HMCN1: variants seen among roughly 807,000 people sequenced by gnomAD.
The protein encoded by HMCN1 is hemicentin 1.
In HMCN1, 321 loss-of-function variants were observed where a neutral mutation model predicts 625.9. The observed-to-expected ratio is 0.51, with a 90% CI of 0.47 to 0.56. The LOEUF (loss-of-function observed/expected upper bound fraction) is 0.56. Among genes scored for constraint, HMCN1 ranks in the 20% least tolerant of loss-of-function variants. HMCN1 has a pLI of 0.00. For synonymous variants in HMCN1, 2,425 were observed against 2,417.6 expected (o/e 1.00, Z -0.09); for missense variants, 6,588 against 6,887.3 (o/e 0.96, Z 1.54).
chr1:186,140,115 G>T (rs1252624615), intron 89 of HMCN1, among the ~76,000 whole-genome samples: 2 of 151,916 alleles, frequency 1.3e-5, no homozygotes. Context: ...ATCAAAATTG[G>T]GAAATTTTAA....
At chr1:186,132,847 T>C (rs1362241699) in intron 86 of HMCN1, among the ~76,000 whole-genome samples, 3 of 151,266 alleles carry the variant, frequency 2.0e-5, no homozygotes, top group African/African-American at 4.8e-5. Context: ...CCTGTGTCCA[T>C]GTTCTCATTG....
At chr1:186,151,899 G>A (rs1323095045) in intron 95 of HMCN1, among the ~76,000 whole-genome samples, 156 bp downstream of exon 95, 1 of 152,144 alleles carries the variant, frequency 6.6e-6, no homozygotes, top group Admixed American at 6.5e-5. Context: ...CTGTAAACTT[G>A]TACTAACATA....
intron 71 of HMCN1, among the ~76,000 whole-genome samples, chr1:186,109,059 A>G (rs1281841673): frequency 6.6e-6 from 1 of 152,214 alleles, no homozygotes; most frequent in Non-Finnish European, 1.5e-5. Flanking sequence ...GTGAAGAACC[A>G]GTTACTGGCT....
chr1:186,057,257 C>T lies in HMCN1; in HGVS notation c.7168C>T (p.His2390Tyr), dbSNP rs1373002712. ...AGCTCCTCCAAGCATCATAGGAAAC[C>T]ACAGGTCACCTGAAAATATTAGTGT... ...VHAPPSIIGN[H>Y]RSPENISVVE... is the part of the protein sequence containing the mutation. The change falls in exon 46 of 107, where the codon CAC (histidine) becomes TAC (tyrosine). Residue 2390 changes from histidine (H) to tyrosine (Y), a missense_variant. By Grantham distance (83) the His-to-Tyr change is moderately conservative. Coordinates refer to ENST00000271588, the MANE Select transcript of HMCN1 (RefSeq NM_031935.3). The T allele has an allele frequency of 1.2e-6, 2 of 1,611,612 alleles. No individual in the cohort carries two copies. Among genetic ancestry groups the T allele is most frequent in the Non-Finnish European group, 1.7e-6 (2 of 1,178,320 alleles).
intron 22 of HMCN1, among the ~76,000 whole-genome samples, chr1:185,992,336 T>A (rs1379850390): frequency 6.6e-6 from 1 of 152,154 alleles, no homozygotes; most frequent in Non-Finnish European, 1.5e-5. Flanking sequence ...ATGAAGAAAA[T>A]TATAAACATA....
chr1:186,045,995 T>C, intron 41 of HMCN1, 132 bp downstream of exon 41: 3 of 682,208 alleles, frequency 4.4e-6, no homozygotes, highest in Non-Finnish European at 7.4e-6. Context: ...GGAACCCTTT[T>C]ATTGATGAGG....
chr1:185,830,983 T>A (rs112652318), intron 1 of HMCN1, among the ~76,000 whole-genome samples: 2 of 152,192 alleles, frequency 1.3e-5, no homozygotes, highest in African/African-American at 4.8e-5. Context: ...CTGATGATTT[T>A]ATAAGGGAAT....
chr1:186,166,084 C>T (rs1651858904), intron 98 of HMCN1, 100 bp from the exon 99 acceptor site: 4 of 1,277,920 alleles, frequency 3.1e-6, no homozygotes, highest in Non-Finnish European at 4.5e-6. Flanking sequence ...TTTGATTCAA[C>T]TTCTTGGCCT....
At chr1:185,901,403 G>T (rs1352017092) in intron 4 of HMCN1, among the ~76,000 whole-genome samples, 1 of 151,554 alleles carries the variant, frequency 6.6e-6, no homozygotes, top group East Asian at 1.9e-4. Flanking sequence ...AGGGGTGATG[G>T]ACATACAAAG....
chr1:186,178,409 C>G lies in HMCN1; in HGVS notation c.15944-7C>G. The G allele has an allele frequency of 6.3e-7, 1 of 1,597,010 alleles. No individual in the cohort carries two copies. Among genetic ancestry groups the G allele is most frequent in the Non-Finnish European group, 8.6e-7 (1 of 1,164,806 alleles). On this transcript the variant is annotated splice_polypyrimidine_tract_variant and splice_region_variant and intron_variant, in intron 103 of 106. Coordinates refer to ENST00000271588, the MANE Select transcript of HMCN1 (RefSeq NM_031935.3). ...TTTTTCTTTTTTATATCATGGCATA[C>G]GAGCAGACATTAATGAATGTGAACA...
At chr1:186,043,989 A>G (rs1656381231) in intron 40 of HMCN1, among the ~76,000 whole-genome samples, 1 of 152,188 alleles carries the variant, frequency 6.6e-6, no homozygotes, top group South Asian at 2.1e-4. Context: ...GCTGAGACAG[A>G]AGAATTGCTT....
At chr1:185,978,009 G>A (rs758640123) in intron 16 of HMCN1, 28 bp downstream of exon 16, 19 of 1,476,132 alleles carry the variant, frequency 1.3e-5, no homozygotes, top group Non-Finnish European at 1.6e-5. Context: ...TATTTTGTAC[G>A]AATATGTACT....
intron 10 of HMCN1, among the ~76,000 whole-genome samples, chr1:185,930,118 A>C (rs1160212992): frequency 6.6e-6 from 1 of 152,168 alleles, no homozygotes; most frequent in Non-Finnish European, 1.5e-5. Flanking sequence ...TATTCTACAC[A>C]TGCCCTTCTA....
In HMCN1 at chr1:186,137,821, A is replaced by C; in HGVS notation, c.13773A>C (p.Glu4591Asp). The C allele has an allele frequency of 6.2e-7, 1 of 1,614,042 alleles. No homozygotes were observed. Among genetic ancestry groups the C allele is most frequent in the Non-Finnish European group, 8.5e-7 (1 of 1,179,960 alleles). Reference sequence around the variant, plus strand: ...GTATAGTGGATGGTAGCTGGTCGGAATGGAGTCTTTGGGAAGAATGCACAA... The same window carrying C: ...GTATAGTGGATGGTAGCTGGTCGGACTGGAGTCTTTGGGAAGAATGCACAA... Reference protein sequence around the residue: ...KPCPVDGSWSEWSLWEECTRS... With the variant: ...KPCPVDGSWSDWSLWEECTRS... Residue 4591 changes from glutamate to aspartate, a missense_variant, in exon 89 of 107, where the codon GAA becomes GAC. This residue lies in a region of HMCN1 where 1,954 missense variants were observed against 2,013.1 expected (regional missense o/e 0.97). Coordinates refer to ENST00000271588, the MANE Select transcript of HMCN1 (RefSeq NM_031935.3).
chr1:186,036,693 C>T (rs913122227), intron 36 of HMCN1, among the ~76,000 whole-genome samples: 2 of 151,796 alleles, frequency 1.3e-5, no homozygotes, highest in Non-Finnish European at 2.9e-5. Context: ...CAAGTTGAAG[C>T]GATTCTCCTG....
chr1:185,808,075 A>G (rs1659286366), intron 1 of HMCN1, among the ~76,000 whole-genome samples: 2 of 152,056 alleles, frequency 1.3e-5, no homozygotes, highest in Non-Finnish European at 2.9e-5. Context: ...TAAAACAAAC[A>G]AACAAAAAAC....
At chr1:186,082,996 A>G in intron 57 of HMCN1, 35 bp downstream of exon 57, 2 of 1,312,414 alleles carry the variant, frequency 1.5e-6, no homozygotes, top group Non-Finnish European at 2.1e-6. Context: ...CTGTTAGGGT[A>G]TGCTTGGAAA....
intron 1 of HMCN1, among the ~76,000 whole-genome samples, chr1:185,779,941 A>G (rs1462722712): frequency 6.6e-6 from 1 of 152,204 alleles, no homozygotes; most frequent in East Asian, 1.9e-4. Flanking sequence ...CTTGGGCAAT[A>G]TGGCCATTTT....
chr1:185,848,895 A>AAT (rs1276194519), intron 2 of HMCN1, among the ~76,000 whole-genome samples: 4 of 152,100 alleles, frequency 2.6e-5, no homozygotes, highest in Non-Finnish European at 4.4e-5. Flanking sequence ...CCCAATTACC[A>AAT]TATCTTTAGT....
Sources: allele counts gnomAD v4.1 joint callset (sites outside exome capture counted in the v4.1 genomes callset), GRCh38; gene constraint gnomAD v4.1.1; regional missense constraint gnomAD v4.1.1; transcripts MANE v1.5; gene names NCBI Gene and HGNC (gene_info 2026-07-23, HGNC 2026-07-21).